The following PCDH15 variants were observed in gnomAD, a reference collection of about 807,000 sequenced individuals.
PCDH15 encodes protocadherin related 15.
PCDH15 carries 129 observed loss-of-function variants against 178.5 expected under a neutral mutation model. The observed-to-expected ratio is 0.72, with a 90% CI of 0.63 to 0.84. PCDH15 has a LOEUF of 0.84. Among genes scored for constraint, PCDH15 ranks in the 40% least tolerant of loss-of-function variants. PCDH15 has a pLI of 0.00. For missense variants in PCDH15, 2,230 were observed against 2,099.9 expected (o/e 1.06, Z -1.21); for synonymous variants, 800 against 732.0 (o/e 1.09, Z -1.50).
At chr10:54,564,085 T>C (rs1448303592) in intron 2 of PCDH15, among the ~76,000 whole-genome samples, 1 of 152,102 alleles carries the variant, frequency 6.6e-6, no homozygotes, top group East Asian at 1.9e-4. Context: ...TACCCCCAAT[T>C]AAACACTAAC....
At chr10:55,607,747 G>T (rs1186344120) in intron 2 of PCDH15, among the ~76,000 whole-genome samples, 1 of 120,986 alleles carries the variant, frequency 8.3e-6, no homozygotes, top group South Asian at 3.1e-4. Context: ...GGGGACTGTT[G>T]TGGGGTGGGG....
At chr10:54,949,204 G>C (rs1838270644) in intron 2 of PCDH15, among the ~76,000 whole-genome samples, 1 of 151,814 alleles carries the variant, frequency 6.6e-6, no homozygotes, top group Non-Finnish European at 1.5e-5. Flanking sequence ...AATTTATTAA[G>C]GAAACAAAGT....
upstream of PCDH15, among the ~76,000 whole-genome samples, chr10:54,802,792 TA>T (rs1952705960): frequency 6.6e-6 from 1 of 152,196 alleles, no homozygotes; most frequent in South Asian, 2.1e-4. Flanking sequence ...GTTATTTTTC[TA>T]ATGACAATTC....
intron 25 of PCDH15, among the ~76,000 whole-genome samples, chr10:53,921,331 A>G (rs984657930): frequency 1.1e-4 from 16 of 151,988 alleles, no homozygotes; most frequent in African/African-American, 3.9e-4. Context: ...GTAATATGCC[A>G]CCCCTCTACA....
At chr10:53,987,062 C>A (rs1026915488) in intron 21 of PCDH15, among the ~76,000 whole-genome samples, 2 of 152,028 alleles carry the variant, frequency 1.3e-5, no homozygotes, top group Non-Finnish European at 2.9e-5. Context: ...GAGGGGCCAT[C>A]ATACACCAGA....
chr10:54,049,624 A>AT (rs71007805), intron 18 of PCDH15, among the ~76,000 whole-genome samples: 27,283 of 146,922 alleles, frequency 0.19, 2,664 homozygotes, highest in East Asian at 0.32. Context: ...TATTGTGATG[A>AT]TTTTTTTTTT....
At chr10:54,805,380 G>A (rs936992690), upstream of PCDH15, among the ~76,000 whole-genome samples, 2 of 152,022 alleles carry the variant, frequency 1.3e-5, no homozygotes, top group Non-Finnish European at 2.9e-5. Context: ...CATTCTAGAC[G>A]ACTTATTGTC....
At chr10:54,071,285 T>G (rs570681916) in intron 17 of PCDH15, among the ~76,000 whole-genome samples, 1 of 152,292 alleles carries the variant, frequency 6.6e-6, no homozygotes, top group Non-Finnish European at 1.5e-5. Context: ...TTTAGCTATG[T>G]AAGAAAACCA....
intron 1 of PCDH15, among the ~76,000 whole-genome samples, chr10:55,209,800 A>T (rs1840510784): frequency 6.6e-6 from 1 of 152,102 alleles, no homozygotes; most frequent in African/African-American, 2.4e-5. Context: ...ATACCAATTT[A>T]GTATCTGGAT....
intron 2 of PCDH15, among the ~76,000 whole-genome samples, chr10:55,378,269 C>G (rs2131997728): frequency 6.6e-6 from 1 of 152,034 alleles, no homozygotes; most frequent in South Asian, 2.1e-4. Context: ...AGACATGAAA[C>G]AAGTCTTCAA....
intron 2 of PCDH15, among the ~76,000 whole-genome samples, chr10:55,421,031 A>G (rs954738813): frequency 6.6e-6 from 1 of 151,766 alleles, no homozygotes; most frequent in Non-Finnish European, 1.5e-5. Flanking sequence ...TGAGCTAAAA[A>G]TGAATTACAG....
intron 2 of PCDH15, among the ~76,000 whole-genome samples, chr10:55,407,403 G>C (rs923932842): frequency 6.6e-6 from 1 of 152,146 alleles, no homozygotes; most frequent in Non-Finnish European, 1.5e-5. Flanking sequence ...TTTACATAGA[G>C]AGATGGAGAA....
chr10:54,530,570 A>G (rs764820507), intron 2 of PCDH15, among the ~76,000 whole-genome samples: 1 of 152,176 alleles, frequency 6.6e-6, no homozygotes, highest in Non-Finnish European at 1.5e-5. Context: ...CTAAGCTACA[A>G]TCTTCCATTA....
chr10:54,646,294 G>A (rs116846483), intron 2 of PCDH15, among the ~76,000 whole-genome samples: 13 of 152,162 alleles, frequency 8.5e-5, no homozygotes, highest in East Asian at 1.9e-4. Flanking sequence ...CAAAACTCAC[G>A]TAAATGAAAG....
At chr10:55,183,215 A>G (rs35029739) in intron 1 of PCDH15, among the ~76,000 whole-genome samples, 2 of 151,966 alleles carry the variant, frequency 1.3e-5, no homozygotes, top group Non-Finnish European at 1.5e-5. Context: ...GCATTATACC[A>G]TTTGTCCTTA....
chr10:54,274,561 T>A (rs552685350), intron 8 of PCDH15, among the ~76,000 whole-genome samples: 2 of 151,888 alleles, frequency 1.3e-5, no homozygotes, highest in African/African-American at 4.8e-5. Flanking sequence ...CACTATGCGA[T>A]GAAAATTTTT....
At chr10:55,262,268 G>A (rs1224234244) in intron 1 of PCDH15, among the ~76,000 whole-genome samples, 2 of 144,346 alleles carry the variant, frequency 1.4e-5, no homozygotes, top group South Asian at 2.4e-4. Context: ...TGGGAGGGGG[G>A]CAAAGAAGTC....
intron 7 of PCDH15, among the ~76,000 whole-genome samples, chr10:54,319,559 G>C (rs962237835): frequency 4.6e-5 from 7 of 152,106 alleles, no homozygotes; most frequent in Non-Finnish European, 1.0e-4. Flanking sequence ...GCTCTTTTTG[G>C]AGTGATTAAA....
chr10:54,580,302 G>A (rs979178271), intron 2 of PCDH15, among the ~76,000 whole-genome samples: 2 of 151,746 alleles, frequency 1.3e-5, no homozygotes, highest in African/African-American at 2.4e-5. Flanking sequence ...CCAAACACAT[G>A]GAAACCGAAA....
Sources: gnomAD v4.1 joint callset for allele counts (sites outside exome capture counted in the v4.1 genomes callset) on GRCh38, gnomAD v4.1.1 for gene constraint, MANE v1.5 for transcripts, NCBI Gene and HGNC (gene_info 2026-07-23, HGNC 2026-07-21) for gene names.